The following OPCML variants were observed in gnomAD, a reference collection of about 807,000 sequenced individuals.
The protein encoded by OPCML is opioid-binding protein/cell adhesion molecule.
Under a neutral mutation model 37.8 loss-of-function variants are expected in OPCML, and 13 were observed. That is an observed-to-expected ratio of 0.34 (90% CI 0.22 to 0.55). The LOEUF (loss-of-function observed/expected upper bound fraction) is 0.55, where lower values mean the gene tolerates loss of function less well. OPCML is among the 20% of genes least tolerant of loss of function. The probability of loss-of-function intolerance (pLI) is 0.91; values close to 1 mark genes in which losing one functional copy is unlikely to be tolerated. For synonymous variants in OPCML, 176 were observed against 168.8 expected (o/e 1.04, Z -0.33); for missense variants, 341 against 435.6 (o/e 0.78, Z 1.93).
At chr11:133,468,594 G>A (rs931896867) in intron 1 of OPCML, among the ~76,000 whole-genome samples, 26 of 152,228 alleles carry the variant, frequency 1.7e-4, no homozygotes, top group Non-Finnish European at 7.3e-5. Context: ...TGAAGCCCTG[G>A]GGAAAATGTC....
At chr11:133,386,904 G>A (rs1945067271) in intron 1 of OPCML, among the ~76,000 whole-genome samples, 1 of 152,144 alleles carries the variant, frequency 6.6e-6, no homozygotes, top group African/African-American at 2.4e-5. Flanking sequence ...AATGCTCAGG[G>A]TATCTGTGAG....
At chr11:133,526,627 T>A (rs1034546842) in intron 1 of OPCML, among the ~76,000 whole-genome samples, 1 of 152,194 alleles carries the variant, frequency 6.6e-6, no homozygotes, top group African/African-American at 2.4e-5. Context: ...AATACCACCA[T>A]CTTGGGGTAT....
intron 3 of OPCML, among the ~76,000 whole-genome samples, chr11:132,610,529 G>A (rs1004507888): frequency 3.9e-5 from 6 of 152,148 alleles, no homozygotes; most frequent in South Asian, 2.1e-4. Context: ...GTTGGCTGCC[G>A]AAGAGCACTG....
chr11:133,092,850 A>G (rs921640147), intron 1 of OPCML, among the ~76,000 whole-genome samples: 29 of 149,956 alleles, frequency 1.9e-4, no homozygotes, highest in African/African-American at 7.1e-4. Flanking sequence ...GAGACAGAGA[A>G]AGAGAGAGAG....
intron 2 of OPCML, among the ~76,000 whole-genome samples, chr11:132,676,613 T>C (rs1029079421): frequency 2.0e-5 from 3 of 151,556 alleles, no homozygotes; most frequent in Admixed American, 2.0e-4. Context: ...GACAACCCAA[T>C]TTAAAACAAA....
intron 2 of OPCML, among the ~76,000 whole-genome samples, chr11:132,752,609 G>T (rs1466820028): frequency 6.6e-6 from 1 of 151,082 alleles, no homozygotes; most frequent in Non-Finnish European, 1.5e-5. Context: ...TAAAAGATTT[G>T]TTAGCATGCC....
At chr11:133,423,099 G>A (rs899704349) in intron 1 of OPCML, 2 of 985,266 alleles carry the variant, frequency 2.0e-6, no homozygotes, top group African/African-American at 3.5e-5. Context: ...CCAGAATTGA[G>A]AAATGGGCTT....
intron 2 of OPCML, among the ~76,000 whole-genome samples, chr11:132,720,893 G>C (rs74793843): frequency 0.028 from 4,231 of 151,174 alleles, 203 homozygotes; most frequent in African/African-American, 0.098. Flanking sequence ...TTCCCTAATA[G>C]CTTTACATAG....
At chr11:133,027,901 G>A (rs895583550) in intron 1 of OPCML, among the ~76,000 whole-genome samples, 2 of 148,812 alleles carry the variant, frequency 1.3e-5, no homozygotes, top group Non-Finnish European at 3.0e-5. Context: ...CCTGTGTGAA[G>A]GACAGCTGAC....
chr11:133,442,726 CGTGTGTGTGT>C (rs371441649), intron 1 of OPCML, among the ~76,000 whole-genome samples: 26 of 141,446 alleles, frequency 1.8e-4, no homozygotes, highest in South Asian at 7.1e-4. Context: ...CATATTTAAA[CGTGTGTGTGT>C]GTGTGTGTGT....
intron 1 of OPCML, among the ~76,000 whole-genome samples, chr11:133,332,166 A>G (rs772408622): frequency 4.6e-5 from 7 of 152,032 alleles, no homozygotes; most frequent in Non-Finnish European, 8.8e-5. Context: ...CCATATTTCT[A>G]GTTATTTTAT....
chr11:133,110,682 C>T (rs1949236393), intron 1 of OPCML, among the ~76,000 whole-genome samples: 1 of 152,070 alleles, frequency 6.6e-6, no homozygotes, highest in South Asian at 2.1e-4. Flanking sequence ...CTGCAGGGGC[C>T]CTAGCCTCAA....
intron 1 of OPCML, among the ~76,000 whole-genome samples, chr11:133,335,284 A>G (rs149279020): frequency 1.3e-5 from 2 of 152,320 alleles, no homozygotes; most frequent in African/African-American, 4.8e-5. Flanking sequence ...CCCCAAAGTC[A>G]TACAGAATGG....
intron 1 of OPCML, among the ~76,000 whole-genome samples, chr11:133,443,165 C>T (rs763248078): frequency 2.0e-4 from 30 of 152,298 alleles, no homozygotes; most frequent in Middle Eastern, 3.4e-3. Context: ...AATTCAGGGT[C>T]ATGGCAGGGA....
intron 2 of OPCML, among the ~76,000 whole-genome samples, chr11:132,714,761 G>A (rs533259208): frequency 2.0e-4 from 31 of 152,246 alleles, no homozygotes; most frequent in South Asian, 8.3e-4. Context: ...AGGACACACC[G>A]GTTTTCCATT....
chr11:132,875,371 TACA>T (rs1227211197), intron 2 of OPCML, among the ~76,000 whole-genome samples: 8 of 152,284 alleles, frequency 5.3e-5, no homozygotes, highest in Non-Finnish European at 1.0e-4. Context: ...GACTGATTTA[TACA>T]ACATTATAGG....
chr11:133,458,574 C>CGTGTGTGTACACATATATACACGTGT, intron 1 of OPCML, among the ~76,000 whole-genome samples: 1 of 85,824 alleles, frequency 1.2e-5, no homozygotes, highest in South Asian at 2.9e-4. Context: ...CATATATACA[C>CGTGTGTGTACACATATATACACGTGT]GTGTGTGTAC....
intron 1 of OPCML, among the ~76,000 whole-genome samples, chr11:133,277,426 C>A (rs563926416): frequency 1.9e-3 from 294 of 152,150 alleles, no homozygotes; most frequent in Middle Eastern, 0.01. Flanking sequence ...TTTTAGGCAT[C>A]TATGCATTCA....
chr11:132,538,528 T>G (rs1250069226), intron 3 of OPCML, among the ~76,000 whole-genome samples: 1 of 152,190 alleles, frequency 6.6e-6, no homozygotes, highest in Non-Finnish European at 1.5e-5. Flanking sequence ...CTCTGAACTG[T>G]TCTCTTAATA....
Sources: allele counts gnomAD v4.1 joint callset (sites outside exome capture counted in the v4.1 genomes callset), GRCh38; gene constraint gnomAD v4.1.1; transcripts MANE v1.5; gene names NCBI Gene and HGNC (gene_info 2026-07-23, HGNC 2026-07-21).